Variants in AGAP1 observed in about 807,000 individuals in gnomAD.
AGAP1 encodes ArfGAP with GTPase domain, ankyrin repeat and PH domain 1.
A neutral mutation model predicts 105.3 loss-of-function variants in AGAP1; 29 were observed. The ratio of observed to expected loss-of-function variants is 0.28; its 90% confidence interval spans 0.21 to 0.38. The LOEUF (loss-of-function observed/expected upper bound fraction) is 0.38, where lower values mean the gene tolerates loss of function less well. Among genes scored for constraint, AGAP1 ranks in the 10% least tolerant of loss-of-function variants. The probability of loss-of-function intolerance (pLI) is 1.00; values close to 1 mark genes in which losing one functional copy is unlikely to be tolerated. For synonymous variants in AGAP1, 509 were observed against 485.9 expected, an observed-to-expected ratio of 1.05 and a Z score of -0.63; for missense variants, 998 against 1,165.1, an observed-to-expected ratio of 0.86 and a Z score of 2.09.
At position 235,709,199 on chromosome 2, in the gene AGAP1, G is replaced by A; in HGVS notation, c.184G>A (p.Glu62Lys). ...AIEDAFVNSQ[E>K]WTLSRSVPEL... Reference sequence around the variant, plus strand: ...TTCAGATGCCTTCGTGAACAGCCAGGAATGGACGCTGAGTCGATCTGTCCC... The same window carrying A: ...TTCAGATGCCTTCGTGAACAGCCAGAAATGGACGCTGAGTCGATCTGTCCC... Residue 62 changes from glutamate to lysine, a missense_variant, in exon 2 of 18, where the codon GAA becomes AAA. Glu to Lys is a moderately conservative substitution (Grantham distance 56). This residue lies in a region of AGAP1 where 735 missense variants were observed against 833.4 expected (regional missense o/e 0.88). Transcript: ENST00000304032. 1 of 1,614,108 alleles carries A rather than the reference G, an allele frequency of 6.2e-7. No homozygotes were observed. The highest frequency in any genetic ancestry group is 8.5e-7 in the Non-Finnish European group (1 of 1,180,024).
At position 235,494,270 on chromosome 2, in the gene AGAP1, C is replaced by T. The variant is rs1173749930; in HGVS notation, c.-417C>T. 1 of 144,502 alleles carries T rather than the reference C, an allele frequency of 6.9e-6. No individual in the cohort carries two copies. The highest frequency in any genetic ancestry group is 1.5e-5 in the Non-Finnish European group (1 of 65,176). 9.0% of individuals were successfully genotyped at this position (144,502 alleles called of 1,614,324 possible). A position where few individuals can be genotyped will look rare whatever the true frequency, so the allele number is the denominator to read the frequency against. The stretch of plus-strand genomic sequence containing the variant: ...CGGCCACACTGCCCAGGGGTCGGCC[C>T]TCGGCCCCGGCGCTCGGAGCGCGGC... On this transcript the variant is annotated 5_prime_UTR_variant, in exon 1 of 18. Transcript: ENST00000304032.
intron 1 of AGAP1, among the ~76,000 whole-genome samples, chr2:235,520,398 G>T (rs1942570954): frequency 6.6e-6 from 1 of 152,086 alleles, no homozygotes; most frequent in Non-Finnish European, 1.5e-5. Context: ...CTCCTTCCCG[G>T]GGCCTGTGTT....
intron 9 of AGAP1, chr2:235,852,764 C>T (rs987854725): frequency 1.3e-6 from 2 of 1,532,608 alleles, no homozygotes; most frequent in Non-Finnish European, 1.8e-6. Flanking sequence ...TCAGTCCTCC[C>T]CCTGGCCAGG....
intron 1 of AGAP1, among the ~76,000 whole-genome samples, chr2:235,542,219 G>GT (rs371380459): frequency 1.3e-5 from 2 of 151,562 alleles, no homozygotes; most frequent in East Asian, 1.9e-4. Flanking sequence ...GTGGGTCCCG[G>GT]GGGGGGGCCA....
At chr2:235,918,311 C>T (rs2052002806) in intron 11 of AGAP1, among the ~76,000 whole-genome samples, 1 of 152,232 alleles carries the variant, frequency 6.6e-6, no homozygotes, top group South Asian at 2.1e-4. Flanking sequence ...ACCTCAATAT[C>T]AGTAGCATGT....
intron 1 of AGAP1, among the ~76,000 whole-genome samples, chr2:235,580,456 G>C (rs922109587): frequency 3.3e-5 from 5 of 151,190 alleles, no homozygotes; most frequent in Non-Finnish European, 7.4e-5. Flanking sequence ...GTTGGAGGCA[G>C]TGGGGGAGGG....
At chr2:235,496,003 C>T (rs1379253651) in intron 1 of AGAP1, among the ~76,000 whole-genome samples, 1 of 152,246 alleles carries the variant, frequency 6.6e-6, no homozygotes, top group Admixed American at 6.5e-5. Flanking sequence ...GCCCAGCCTC[C>T]TCCCTCTGTG....
chr2:236,094,038 G>C lies in AGAP1; in HGVS notation c.2115-26154G>C, dbSNP rs911475007. Reference sequence around the variant, plus strand: ...CATATGGCTGTAACAGGTACAAGCAGACTGTATTCATAGGTCAGAAATATA... The same window carrying C: ...CATATGGCTGTAACAGGTACAAGCACACTGTATTCATAGGTCAGAAATATA... On this transcript the variant is annotated intron_variant, in intron 16 of 17. Coordinates refer to ENST00000304032, the MANE Select transcript of AGAP1 (RefSeq NM_001037131.3). 2.2e-4 allele frequency among the ~76,000 whole-genome samples: 34 copies of C among 152,140 alleles called. 1 individual carries two copies. The highest frequency in any genetic ancestry group is 4.1e-4 in the Non-Finnish European group (28 of 68,024).
rs112221358 is a variant in AGAP1 at position 235,516,091 on chromosome 2, G to A, written c.163+21242G>A. Among the ~76,000 whole-genome samples, 400 of 151,678 alleles carry A rather than the reference G, an allele frequency of 2.6e-3. 3 individuals are homozygous for A. Among genetic ancestry groups the A allele is most frequent in the African/African-American group, 9.1e-3 (376 of 41,290 alleles). Reference sequence around the variant, plus strand: ...TGCTGCTGCTGCTGCTGCTGCTGCTGCTGGCCCGCCAGTTCCCATGGACTC... The same window carrying A: ...TGCTGCTGCTGCTGCTGCTGCTGCTACTGGCCCGCCAGTTCCCATGGACTC... On this transcript the variant is annotated intron_variant, in intron 1 of 17. Coordinates refer to ENST00000304032, the MANE Select transcript of AGAP1 (RefSeq NM_001037131.3).
chr2:235,582,501 G>A lies in AGAP1; in HGVS notation c.163+87652G>A, dbSNP rs1455615673. ...TGAAGCCCTCTTGAGTCAGATCGTGGGGTTGGTTGGTCATGCGTGTAATTA... is the reference window on the plus strand; with the variant it reads ...TGAAGCCCTCTTGAGTCAGATCGTGAGGTTGGTTGGTCATGCGTGTAATTA... On this transcript the variant is annotated intron_variant, in intron 1 of 17. Transcript: ENST00000304032. This position sits in a 1 kb window ranked among gnomAD's most constrained non-coding sequence, Gnocchi z 4.7. Among the ~76,000 whole-genome samples, 4 of 152,202 alleles carry A rather than the reference G, an allele frequency of 2.6e-5. No individual in the cohort carries two copies. The highest frequency in any genetic ancestry group is 4.4e-5 in the Non-Finnish European group (3 of 68,040).
intron 6 of AGAP1, among the ~76,000 whole-genome samples, chr2:235,779,699 A>G (rs1956140069): frequency 6.6e-6 from 1 of 152,228 alleles, no homozygotes; most frequent in Non-Finnish European, 1.5e-5. Flanking sequence ...TCAGTAACCT[A>G]CAGGCTTTGC....
chr2:235,873,198 TCTCTGATTCCCACTTGGTACAAACA>T (rs1158560098), intron 9 of AGAP1, among the ~76,000 whole-genome samples: 8 of 152,216 alleles, frequency 5.3e-5, no homozygotes, highest in Non-Finnish European at 1.0e-4. Flanking sequence ...AGACTGAAAT[TCTCTGATTCCCACTTGGTACAAACA>T]CTCTTCAAAA....
At chr2:235,854,636 G>A (rs573510048) in intron 9 of AGAP1, among the ~76,000 whole-genome samples, 11 of 152,338 alleles carry the variant, frequency 7.2e-5, no homozygotes, top group East Asian at 5.8e-4. Context: ...TGCCGCGTCC[G>A]CTTACCAGTG....
Position 235,901,281 on chromosome 2 carries a change from C to T in AGAP1, c.1156-7457C>T, listed in dbSNP as rs1341547861. ...ACTTTACAATGGCTTCTCTTACATA[C>T]TTTTTTTTTTTTGAGCCCAGAAGTG... On this transcript the variant is annotated intron_variant, in intron 10 of 17. Transcript: ENST00000304032. The surrounding 1 kb of genome is among the most constrained non-coding windows in gnomAD (Gnocchi z 4.3). Among the ~76,000 whole-genome samples, 1 of 145,880 alleles carries T rather than the reference C, an allele frequency of 6.9e-6. No individual in the cohort carries two copies. The highest frequency in any genetic ancestry group is 1.5e-5 in the Non-Finnish European group (1 of 66,086).
rs2059886863 is a variant in AGAP1, at chr2:236,121,113, G to A, written c.2370+666G>A. On this transcript the variant is annotated intron_variant, in intron 17 of 17. Transcript: ENST00000304032. The surrounding 1 kb of genome is among the most constrained non-coding windows in gnomAD (Gnocchi z 4.9). The stretch of plus-strand genomic sequence containing the variant: ...AGGCAGGCAGAAAGCTGCCGGCAGG[G>A]AGGCTCCCCAGATAGGGAAGGCAAG... Among the ~76,000 whole-genome samples the A allele has an allele frequency of 6.6e-6, 1 of 152,166 alleles. No homozygotes were observed. Among genetic ancestry groups the A allele is most frequent in the Non-Finnish European group, 1.5e-5 (1 of 68,020 alleles).
rs77448725 is a variant in AGAP1, at chr2:235,659,465, C to G, written c.164-49714C>G. 3.3e-5 allele frequency among the ~76,000 whole-genome samples: 5 copies of G among 152,316 alleles called. No homozygotes were observed. The South Asian group carries it at 8.3e-4, about 25-fold the overall frequency. ...CTGTCACCTTTTTCAAAATTTCCAACAACTGTGGCTTCTTGGGAAATCCTT... is the reference window on the plus strand; with the variant it reads ...CTGTCACCTTTTTCAAAATTTCCAAGAACTGTGGCTTCTTGGGAAATCCTT... On this transcript the variant is annotated intron_variant, in intron 1 of 17. Transcript: ENST00000304032. The surrounding 1 kb of genome is among the most constrained non-coding windows in gnomAD (Gnocchi z 5.0).
rs1951331963 is a variant in AGAP1, at chr2:235,720,594, C to T, written c.310+2950C>T. The T allele has an allele frequency of 1.1e-6, 1 of 893,164 alleles. No individual in the cohort carries two copies. Among genetic ancestry groups the T allele is most frequent in the African/African-American group, 1.8e-5 (1 of 55,160 alleles). 55.3% of individuals were successfully genotyped at this position (893,164 alleles called of 1,614,324 possible). A position where few individuals can be genotyped will look rare whatever the true frequency, so the allele number is the denominator to read the frequency against. On this transcript the variant is annotated intron_variant, in intron 3 of 17. Transcript: ENST00000304032. This position sits in a 1 kb window ranked among gnomAD's most constrained non-coding sequence, Gnocchi z 5.0. ...TTCCTCTTACAACTGCTAGAGCGAT[C>T]AACTGGGCAGCTACTTTGAATGAAA...
At chr2:235,915,105 G>A (rs2051809890) in intron 11 of AGAP1, among the ~76,000 whole-genome samples, 1 of 152,106 alleles carries the variant, frequency 6.6e-6, no homozygotes, top group South Asian at 2.1e-4. Context: ...AGTCATTATG[G>A]GCCATACACC....
chr2:235,712,020 TTTTC>T lies in AGAP1; in HGVS notation c.222+2795_222+2798del, dbSNP rs759583989. 2.2e-4 allele frequency among the ~76,000 whole-genome samples: 33 copies of T among 152,152 alleles called. No homozygotes were observed. The highest frequency in any genetic ancestry group is 6.8e-3 in the Middle Eastern group (2 of 294). On this transcript the variant is annotated intron_variant, in intron 2 of 17. Transcript: ENST00000304032. This position sits in a 1 kb window ranked among gnomAD's most constrained non-coding sequence, Gnocchi z 6.0. Reference sequence around the variant, plus strand: ...TGGTAGTACCATGCCTTATGTTTTATTTTCTTTCTTTCTTTTTTTTTTGTTACGG... The same window carrying T: ...TGGTAGTACCATGCCTTATGTTTTATTTTCTTTCTTTTTTTTTTGTTACGG...
Sources: allele counts gnomAD v4.1 joint callset (sites outside exome capture counted in the v4.1 genomes callset), GRCh38; gene constraint gnomAD v4.1.1; regional missense constraint gnomAD v4.1.1; non-coding constraint Gnocchi (gnomAD v3.1); transcripts MANE v1.5; gene names NCBI Gene and HGNC (gene_info 2026-07-23, HGNC 2026-07-21).